The following MYOM1 variants were observed in gnomAD, a reference collection of about 807,000 sequenced individuals.
MYOM1 encodes the protein myomesin 1.
A neutral mutation model predicts 205.3 loss-of-function variants in MYOM1; 164 were observed. The ratio of observed to expected loss-of-function variants is 0.80; its 90% CI spans 0.70 to 0.91. The LOEUF is 0.91. MYOM1 is among the 40% of genes least tolerant of loss of function. The pLI is 0.00. For missense variants in MYOM1, 2,011 were observed against 2,127.3 expected (o/e 0.95, Z 1.08); for synonymous variants, 772 against 789.4 (o/e 0.98, Z 0.37).
At chr18:3,237,840 C>G in the MYOM1 span, among the ~76,000 whole-genome samples, 1 of 152,040 alleles carries the variant, frequency 6.6e-6, no homozygotes, top group Non-Finnish European at 1.5e-5. Context: ...TTCAGTTTTA[C>G]AAGATGCAAA....
intron 34 of MYOM1, among the ~76,000 whole-genome samples, chr18:3,076,551 G>C (rs1323843800): frequency 1.3e-5 from 2 of 152,160 alleles, no homozygotes; most frequent in Non-Finnish European, 2.9e-5. Flanking sequence ...ATGAGTTACT[G>C]TAATCACAGA....
Position 3,127,833 on chromosome 18 carries a change from T to C in MYOM1, c.2795-936A>G, listed in dbSNP as rs1035627550. Among the ~76,000 whole-genome samples, 13 of 152,246 alleles carry C rather than the reference T, an allele frequency of 8.5e-5. 1 individual carries two copies. Among genetic ancestry groups the C allele is most frequent in the African/African-American group, 3.1e-4 (13 of 41,464 alleles). On this transcript the variant is annotated intron_variant, in intron 18 of 37. Coordinates refer to ENST00000356443, the MANE Select transcript of MYOM1 (RefSeq NM_003803.4). ...TTTTATCACATTATTTTTAATCTGA[T>C]GTTGGAATATTTTTCATGTGGTACA...
chr18:3,136,902 C>A (rs1273330903), intron 14 of MYOM1, among the ~76,000 whole-genome samples: 1 of 152,044 alleles, frequency 6.6e-6, no homozygotes, highest in Non-Finnish European at 1.5e-5. Context: ...GCATAGAATT[C>A]CATCTGGCAA....
At chr18:3,142,622 T>C (rs1186178495) in intron 13 of MYOM1, among the ~76,000 whole-genome samples, 2 of 152,002 alleles carry the variant, frequency 1.3e-5, no homozygotes, top group African/African-American at 4.8e-5. Flanking sequence ...TCTTCTTATC[T>C]TTAAATAGTT....
intron 26 of MYOM1, among the ~76,000 whole-genome samples, chr18:3,091,047 G>A (rs1285249119): frequency 2.0e-5 from 3 of 152,098 alleles, no homozygotes; most frequent in African/African-American, 7.2e-5. Context: ...TAGGCACAGT[G>A]GCTCACGCCT....
At position 3,198,559 on chromosome 18, in the gene MYOM1, G is replaced by T. The variant is rs922036286; in HGVS notation, c.291-4601C>A. On this transcript the variant is annotated intron_variant, in intron 2 of 37. Coordinates refer to ENST00000356443, the MANE Select transcript of MYOM1 (RefSeq NM_003803.4). ...TCAGCACTTTGGGAGGCCGAGGTGG[G>T]TGGATCAGGAGGTCAGGAGTTCACG... Among the ~76,000 whole-genome samples the T allele has an allele frequency of 1.6e-4, 25 of 152,284 alleles. No individual in the cohort carries two copies. In the East Asian group the frequency reaches 1.9e-3, roughly 12 times the overall value.
chr18:3,129,469 C>T lies in MYOM1; in HGVS notation c.2557G>A (p.Gly853Arg). ...VCPALSDEPGGLTASRGRVHE... is the reference protein window; with the variant it reads ...VCPALSDEPGRLTASRGRVHE... ...ACGCGCCCCCTGGAGGCGGTTAGTCCACCAGGCTCATCGCTCAGTGCGGGA... is the reference window on the plus strand; with the variant it reads ...ACGCGCCCCCTGGAGGCGGTTAGTCTACCAGGCTCATCGCTCAGTGCGGGA... The change falls in exon 18 of 38, where the codon GGA becomes AGA. Residue 853 changes from glycine to arginine, a missense_variant. Gly to Arg is a moderately radical substitution (Grantham distance 125). Coordinates refer to ENST00000356443, the MANE Select transcript of MYOM1 (RefSeq NM_003803.4). 1.9e-6 allele frequency: 3 copies of T among 1,613,928 alleles called. No homozygotes were observed. Among genetic ancestry groups the T allele is most frequent in the Non-Finnish European group, 2.5e-6 (3 of 1,179,852 alleles).
chr18:3,119,765 C>A, intron 20 of MYOM1, 104 bp downstream of exon 20: 1 of 1,383,362 alleles, frequency 7.2e-7, no homozygotes, highest in Non-Finnish European at 9.6e-7. Context: ...GAATTCTTTT[C>A]CCTTAAATAT....
intron 22 of MYOM1, among the ~76,000 whole-genome samples, chr18:3,110,935 T>G (rs1027094979): frequency 2.1e-4 from 31 of 149,234 alleles, no homozygotes; most frequent in Non-Finnish European, 3.6e-4. Context: ...CAAATACAAG[T>G]GCAGTTTTCT....
At chr18:3,116,918 G>A (rs1468158715) in intron 20 of MYOM1, among the ~76,000 whole-genome samples, 2 of 152,176 alleles carry the variant, frequency 1.3e-5, no homozygotes, top group Admixed American at 6.5e-5. Flanking sequence ...GTGCAGTGGT[G>A]TGATGGTAGC....
chr18:3,199,040 C>T (rs2081030908), intron 2 of MYOM1, among the ~76,000 whole-genome samples: 1 of 152,126 alleles, frequency 6.6e-6, no homozygotes, highest in Non-Finnish European at 1.5e-5. Context: ...ACTGAGAATT[C>T]GCTATTCATA....
In MYOM1 at chr18:3,189,921, G is replaced by T. The variant is rs28661541; in HGVS notation, c.432-834C>A. On this transcript the variant is annotated intron_variant, in intron 3 of 37. Coordinates refer to ENST00000356443, the MANE Select transcript of MYOM1 (RefSeq NM_003803.4). This position sits in a 1 kb window ranked among gnomAD's most constrained non-coding sequence, Gnocchi z 4.8. ...TAATGCATTGCCTGGAGTTGTTACA[G>T]GTATGAATAAGTTCTGAATTTACAT... is the stretch of plus-strand genomic sequence containing the variant. Among the ~76,000 whole-genome samples the T allele has an allele frequency of 0.091, 13,787 of 152,098 alleles. 900 individuals carry two copies. The highest frequency in any genetic ancestry group is 0.19 in the African/African-American group (7,730 of 41,456).
chr18:3,112,532 C>T (rs2079542905), intron 21 of MYOM1, 120 bp from the exon 22 acceptor site: 4 of 634,158 alleles, frequency 6.3e-6, no homozygotes, highest in Non-Finnish European at 1.0e-5. Context: ...ACCAGGGATA[C>T]AAGACTTGTG....
chr18:3,119,634 C>T (rs1212017043), intron 20 of MYOM1, among the ~76,000 whole-genome samples: 3 of 152,052 alleles, frequency 2.0e-5, no homozygotes, highest in Admixed American at 2.0e-4. Flanking sequence ...ACAGGCTGAG[C>T]GATGAGGGCT....
chr18:3,227,937 T>A, the MYOM1 span, among the ~76,000 whole-genome samples: 1 of 149,372 alleles, frequency 6.7e-6, no homozygotes, highest in African/African-American at 2.5e-5. Flanking sequence ...ATGGTAAATT[T>A]AATGTTGTGT....
chr18:3,122,874 C>T (rs956965172), intron 19 of MYOM1, among the ~76,000 whole-genome samples: 13 of 152,080 alleles, frequency 8.5e-5, no homozygotes, highest in African/African-American at 2.4e-4. Flanking sequence ...TTCCTTTAAC[C>T]GATAATAGAT....
At chr18:3,167,890 T>C (rs1245295576) in intron 9 of MYOM1, among the ~76,000 whole-genome samples, 1 of 152,210 alleles carries the variant, frequency 6.6e-6, no homozygotes, top group Non-Finnish European at 1.5e-5. Context: ...CTCTAGGCCC[T>C]TTTGAAGCAA....
chr18:3,096,152 A>T (rs934428649), intron 25 of MYOM1, among the ~76,000 whole-genome samples: 1 of 152,164 alleles, frequency 6.6e-6, no homozygotes, highest in African/African-American at 2.4e-5. Flanking sequence ...CCGTGCCTAC[A>T]TAGAGATAGC....
chr18:3,157,518 T>C (rs548343665), intron 10 of MYOM1, among the ~76,000 whole-genome samples: 17 of 151,768 alleles, frequency 1.1e-4, no homozygotes, highest in Admixed American at 7.2e-4. Context: ...TCTCTATGCA[T>C]TTTAAAAAAA....
Sources: gnomAD v4.1 joint callset for allele counts (sites outside exome capture counted in the v4.1 genomes callset) on GRCh38, gnomAD v4.1.1 for gene constraint, Gnocchi (gnomAD v3.1) non-coding constraint, MANE v1.5 for transcripts, NCBI Gene and HGNC (gene_info 2026-07-23, HGNC 2026-07-21) for gene names.